Variants in DNM3 observed in about 807,000 individuals in gnomAD.
DNM3 encodes dynamin-3.
In DNM3, 47 loss-of-function variants were observed where a neutral mutation model predicts 101.6. The ratio of observed to expected loss-of-function variants is 0.46; its 90% CI spans 0.37 to 0.59. DNM3 has a LOEUF of 0.59. DNM3 is among the 20% of genes least tolerant of loss of function. The pLI is 0.00. For synonymous variants in DNM3, 385 were observed against 387.9 expected (o/e 0.99, Z 0.09); for missense variants, 849 against 1,085.7 (o/e 0.78, Z 3.06).
chr1:172,194,688 C>CT (rs1003393626), intron 14 of DNM3, among the ~76,000 whole-genome samples: 2 of 151,242 alleles, frequency 1.3e-5, no homozygotes, highest in African/African-American at 2.4e-5. Flanking sequence ...GCAACCCCTA[C>CT]TTTTTTTTTA....
At position 172,410,547 on chromosome 1, in the gene DNM3, G is replaced by A. The variant is rs45487995; in HGVS notation, c.*2706G>A. 3.0e-6 allele frequency: 3 copies of A among 983,726 alleles called. No homozygotes were observed. The highest frequency in any genetic ancestry group is 3.5e-5 in the African/African-American group (2 of 57,146). 60.9% of individuals were successfully genotyped at this position (983,726 alleles called of 1,614,324 possible). On this transcript the variant is annotated 3_prime_UTR_variant, in exon 21 of 21. Transcript: ENST00000627582. The stretch of plus-strand genomic sequence containing the variant: ...ATATTGCATGCATATTGACTAATTG[G>A]AATAACCATTTACTCAATTATGGAC...
intron 12 of DNM3, among the ~76,000 whole-genome samples, chr1:172,082,331 T>C (rs201799493): frequency 0.03 from 4,528 of 152,178 alleles, 160 homozygotes; most frequent in East Asian, 0.14. Flanking sequence ...GCCTGTTTTT[T>C]TTTTTTTTTT....
intron 2 of DNM3, among the ~76,000 whole-genome samples, chr1:171,966,915 TC>T (rs1426903826): frequency 3.3e-5 from 5 of 152,202 alleles, no homozygotes; most frequent in African/African-American, 1.2e-4. Context: ...AGCCTTCTGT[TC>T]AGTCATTGAG....
At chr1:172,156,046 G>T (rs762429732) in intron 14 of DNM3, among the ~76,000 whole-genome samples, 1 of 152,062 alleles carries the variant, frequency 6.6e-6, no homozygotes, top group East Asian at 1.9e-4. Flanking sequence ...TCCATAGAAC[G>T]AGGATAATAA....
chr1:172,375,883 T>C (rs1573653599), intron 17 of DNM3, among the ~76,000 whole-genome samples: 1 of 149,596 alleles, frequency 6.7e-6, no homozygotes, highest in African/African-American at 2.5e-5. Flanking sequence ...GCGTGGCATG[T>C]AGTTACAGCT....
intron 4 of DNM3, among the ~76,000 whole-genome samples, chr1:172,002,961 G>A (rs1274514911): frequency 6.6e-6 from 1 of 151,968 alleles, no homozygotes. Flanking sequence ...GACGCTGCTT[G>A]AAGAAGTTAA....
intron 2 of DNM3, among the ~76,000 whole-genome samples, chr1:171,978,997 A>T (rs1439564864): frequency 6.6e-6 from 1 of 152,114 alleles, no homozygotes; most frequent in Non-Finnish European, 1.5e-5. Flanking sequence ...ATGAGATTAG[A>T]TGAGATCACT....
intron 4 of DNM3, among the ~76,000 whole-genome samples, chr1:171,990,490 C>G (rs906640793): frequency 2.6e-5 from 4 of 152,056 alleles, no homozygotes; most frequent in Non-Finnish European, 5.9e-5. Context: ...ATTGGTGGGT[C>G]AGGGGATGGA....
chr1:172,318,934 A>G (rs1228715280), intron 16 of DNM3, among the ~76,000 whole-genome samples: 5 of 152,324 alleles, frequency 3.3e-5, no homozygotes, highest in African/African-American at 1.2e-4. Flanking sequence ...CGCCAAGTCA[A>G]TCCTAAGCCA....
At chr1:172,315,910 A>G (rs191036956) in intron 16 of DNM3, among the ~76,000 whole-genome samples, 79 of 152,292 alleles carry the variant, frequency 5.2e-4, no homozygotes, top group African/African-American at 1.8e-3. Context: ...ACTCCTCGAG[A>G]AGAGCAACTC....
chr1:172,352,319 T>C (rs983795408), intron 17 of DNM3, among the ~76,000 whole-genome samples: 1 of 152,210 alleles, frequency 6.6e-6, no homozygotes, highest in Admixed American at 6.5e-5. Flanking sequence ...ACTAAAGTTC[T>C]TATATCTTTT....
intron 17 of DNM3, among the ~76,000 whole-genome samples, chr1:172,336,706 A>C (rs2066447019): frequency 1.3e-5 from 2 of 151,654 alleles, no homozygotes; most frequent in South Asian, 4.1e-4. Context: ...CCTTTAAAAA[A>C]AAAAAAAAAA....
intron 10 of DNM3, among the ~76,000 whole-genome samples, chr1:172,056,264 G>T (rs1437622273): frequency 6.6e-6 from 1 of 152,232 alleles, no homozygotes. Flanking sequence ...CGAGGCTGGG[G>T]GAGGGGCACC....
At chr1:172,260,684 A>C (rs1202888056) in intron 15 of DNM3, among the ~76,000 whole-genome samples, 1 of 152,052 alleles carries the variant, frequency 6.6e-6, no homozygotes, top group Non-Finnish European at 1.5e-5. Flanking sequence ...AAAAAATTAT[A>C]TCTCTTTGAT....
chr1:172,354,108 T>TGAGAGAGAGA (rs1181407960), intron 17 of DNM3, among the ~76,000 whole-genome samples: 50 of 30,802 alleles, frequency 1.6e-3, no homozygotes, highest in Admixed American at 8.7e-3. Context: ...TGTGTGTGTG[T>TGAGAGAGAGA]GTGTGAGAGA....
At chr1:171,953,461 T>G (rs1296052954) in intron 2 of DNM3, among the ~76,000 whole-genome samples, 1 of 150,756 alleles carries the variant, frequency 6.6e-6, no homozygotes, top group African/African-American at 2.4e-5. Flanking sequence ...AGAATCTTGC[T>G]CTGTTGCCCA....
At chr1:172,413,674 T>C (rs1001940683), downstream of DNM3, among the ~76,000 whole-genome samples, 2 of 152,334 alleles carry the variant, frequency 1.3e-5, no homozygotes, top group East Asian at 3.9e-4. Flanking sequence ...TATTCCCAGA[T>C]TGTGCCATCT....
At chr1:171,983,266 G>A (rs190128565) in intron 2 of DNM3, among the ~76,000 whole-genome samples, 1 of 151,808 alleles carries the variant, frequency 6.6e-6, no homozygotes, top group Non-Finnish European at 1.5e-5. Flanking sequence ...ACCAGCCCAG[G>A]CAACACAGTG....
At chr1:171,957,527 G>A (rs914616676) in intron 2 of DNM3, among the ~76,000 whole-genome samples, 1 of 152,040 alleles carries the variant, frequency 6.6e-6, no homozygotes. Context: ...TGCATCATCA[G>A]GCTGCAAATT....
Sources: gnomAD v4.1 joint callset for allele counts (sites outside exome capture counted in the v4.1 genomes callset) on GRCh38, gnomAD v4.1.1 for gene constraint, MANE v1.5 for transcripts, NCBI Gene and HGNC (gene_info 2026-07-23, HGNC 2026-07-21) for gene names.